The following PNPLA1 variants were observed in gnomAD, a reference collection of about 807,000 sequenced individuals.
PNPLA1 encodes patatin like domain 1, omega-hydroxyceramide transacylase.
A neutral mutation model predicts 51.7 loss-of-function variants in PNPLA1; 36 were observed. The observed-to-expected ratio is 0.70, with a 90% CI of 0.53 to 0.92. The LOEUF is 0.92. Among genes scored for constraint, PNPLA1 ranks in the 40% least tolerant of loss-of-function variants. The pLI is 0.00. For synonymous variants in PNPLA1, 293 were observed against 280.1 expected (o/e 1.05, Z -0.46); for missense variants, 658 against 682.5 (o/e 0.96, Z 0.40).
chr6:36,293,121 G>T lies in PNPLA1; in HGVS notation c.499G>T (p.Gly167Cys), dbSNP rs762443761. ...TGGCCTCATCCCCCCGACTTACCGC[G>T]GTGTGGTGAGTGCTTCGGCATGGTG... Reference protein sequence around the residue: ...YCGLIPPTYRGVRYIDGGFTG... With the variant: ...YCGLIPPTYRCVRYIDGGFTG... The change falls in exon 3 of 9, where the codon GGT (glycine) becomes TGT (cysteine). Residue 167 changes from glycine to cysteine, a missense_variant. Gly to Cys is a radical substitution (Grantham distance 159). Transcript: ENST00000636260. 3.7e-5 allele frequency: 59 copies of T among 1,613,794 alleles called. No homozygotes were observed. The highest frequency in any genetic ancestry group is 3.4e-5 in the Non-Finnish European group (40 of 1,179,814).
chr6:36,281,889 T>C (rs1770294360), intron 1 of PNPLA1, among the ~76,000 whole-genome samples: 1 of 151,572 alleles, frequency 6.6e-6, no homozygotes, highest in East Asian at 1.9e-4. Flanking sequence ...GGCATGGTGG[T>C]AGGCATCTGT....
intron 1 of PNPLA1, among the ~76,000 whole-genome samples, chr6:36,248,768 G>A (rs180800416): frequency 4.6e-5 from 7 of 152,060 alleles, no homozygotes; most frequent in African/African-American, 1.2e-4. Flanking sequence ...ATCCGCCCAC[G>A]TCAGCCTCCC....
chr6:36,273,326 C>A (rs1205273069), intron 1 of PNPLA1, among the ~76,000 whole-genome samples: 1 of 151,954 alleles, frequency 6.6e-6, no homozygotes, highest in Non-Finnish European at 1.5e-5. Flanking sequence ...TGCCCCTAAT[C>A]CCCCACTCCC....
intron 5 of PNPLA1, among the ~76,000 whole-genome samples, chr6:36,299,491 C>G (rs371206471): frequency 6.6e-6 from 1 of 152,012 alleles, no homozygotes; most frequent in Admixed American, 6.6e-5. Flanking sequence ...CCCGCTACCA[C>G]GCCCAGCTAA....
At chr6:36,260,976 A>G (rs1011309668) in intron 1 of PNPLA1, among the ~76,000 whole-genome samples, 3 of 152,082 alleles carry the variant, frequency 2.0e-5, no homozygotes, top group African/African-American at 7.2e-5. Flanking sequence ...GGCATGCACC[A>G]CCACACCCGG....
At chr6:36,307,233 C>G (rs941634601) in intron 7 of PNPLA1, among the ~76,000 whole-genome samples, 1 of 152,172 alleles carries the variant, frequency 6.6e-6, no homozygotes, top group African/African-American at 2.4e-5. Context: ...TAAAATTTAC[C>G]TGCTTCCCAC....
chr6:36,255,279 T>C (rs1769506992), intron 1 of PNPLA1, among the ~76,000 whole-genome samples: 1 of 150,526 alleles, frequency 6.6e-6, no homozygotes. Flanking sequence ...CCGAGGTGAG[T>C]GGATCACCTG....
chr6:36,254,983 G>T (rs954816847), intron 1 of PNPLA1, among the ~76,000 whole-genome samples: 5 of 152,130 alleles, frequency 3.3e-5, no homozygotes, highest in African/African-American at 1.2e-4. Context: ...CCTAGTGCCC[G>T]GACAATGAAT....
rs72018609 is a variant in PNPLA1 at position 36,280,043 on chromosome 6, TA to T, written c.205+9384del. Among the ~76,000 whole-genome samples the T allele has an allele frequency of 1.2e-3, 189 of 152,218 alleles. 3 individuals are homozygous for T. The South Asian group carries it at 0.032, about 26-fold the overall frequency. On this transcript the variant is annotated intron_variant, in intron 1 of 8. Coordinates refer to ENST00000636260, the MANE Select transcript of PNPLA1 (RefSeq NM_001374623.1). ...CAACACGGTGAAACCCTGTCTCTAC[TA>T]AAAATACAAAAATTAGCTGGGCGTG...
At chr6:36,293,892 C>T (rs1770768197) in intron 3 of PNPLA1, among the ~76,000 whole-genome samples, 1 of 152,126 alleles carries the variant, frequency 6.6e-6, no homozygotes, top group Non-Finnish European at 1.5e-5. Flanking sequence ...TATGGGTCCC[C>T]TGCACACAGA....
intron 3 of PNPLA1, among the ~76,000 whole-genome samples, chr6:36,293,468 A>G (rs1305928252): frequency 6.6e-6 from 1 of 152,046 alleles, no homozygotes; most frequent in East Asian, 1.9e-4. Context: ...ATGTTTTCTG[A>G]GGCCTGTAGG....
intron 1 of PNPLA1, among the ~76,000 whole-genome samples, chr6:36,246,802 CAT>C (rs770962659): frequency 2.6e-5 from 4 of 152,220 alleles, no homozygotes; most frequent in Non-Finnish European, 5.9e-5. Flanking sequence ...CTTTTCATGA[CAT>C]AAACAGCTCT....
At chr6:36,247,259 T>C (rs1457011883) in intron 1 of PNPLA1, among the ~76,000 whole-genome samples, 1 of 152,250 alleles carries the variant, frequency 6.6e-6, no homozygotes, top group East Asian at 1.9e-4. Context: ...AAATCCCTAC[T>C]CCCTCCTTTC....
At chr6:36,282,120 G>GGAAA (rs1770321212) in intron 1 of PNPLA1, among the ~76,000 whole-genome samples, 1 of 117,286 alleles carries the variant, frequency 8.5e-6, no homozygotes, top group African/African-American at 3.1e-5. Context: ...AAGGAAGGAA[G>GGAAA]GAAGGAAGGA....
intron 1 of PNPLA1, among the ~76,000 whole-genome samples, chr6:36,254,295 G>T (rs1478750283): frequency 2.0e-5 from 3 of 152,098 alleles, no homozygotes; most frequent in African/African-American, 7.2e-5. Flanking sequence ...GCCATCCTAG[G>T]AAGGGTGGGT....
chr6:36,247,191 C>G (rs76807831), intron 1 of PNPLA1, among the ~76,000 whole-genome samples: 1 of 152,080 alleles, frequency 6.6e-6, no homozygotes, highest in Non-Finnish European at 1.5e-5. Context: ...CTTTCCGGCT[C>G]GTGCCTTGGA....
At chr6:36,276,349 G>A (rs1770097557) in intron 1 of PNPLA1, among the ~76,000 whole-genome samples, 1 of 152,110 alleles carries the variant, frequency 6.6e-6, no homozygotes, top group African/African-American at 2.4e-5. Context: ...TTTTTTTCCT[G>A]TGAAAGCTGA....
intron 1 of PNPLA1, among the ~76,000 whole-genome samples, chr6:36,262,062 C>G (rs1272461361): frequency 6.6e-6 from 1 of 152,218 alleles, no homozygotes; most frequent in Non-Finnish European, 1.5e-5. Context: ...TTCTCCTTCT[C>G]CACTGGGGAG....
intron 8 of PNPLA1, chr6:36,308,387 C>T (rs766478316): frequency 1.3e-5 from 2 of 152,060 alleles, no homozygotes; most frequent in Non-Finnish European, 2.9e-5. Context: ...CGAAAAAAAA[C>T]AAAACAAAAC....
Sources: gnomAD v4.1 joint callset for allele counts (sites outside exome capture counted in the v4.1 genomes callset) on GRCh38, gnomAD v4.1.1 for gene constraint, MANE v1.5 for transcripts, NCBI Gene and HGNC (gene_info 2026-07-23, HGNC 2026-07-21) for gene names.